TOX: variants seen among roughly 807,000 people sequenced by gnomAD.
TOX encodes the protein thymocyte selection-associated high mobility group box protein TOX.
In TOX, 11 loss-of-function variants were observed where a neutral mutation model predicts 53.7. The ratio of observed to expected loss-of-function variants is 0.20; its 90% CI spans 0.13 to 0.34. The LOEUF is 0.34. Among genes scored for constraint, TOX ranks in the 10% least tolerant of loss-of-function variants. The probability of loss-of-function intolerance (pLI) is 1.00; values close to 1 mark genes in which losing one functional copy is unlikely to be tolerated. For missense variants in TOX, 570 were observed against 664.6 expected, an observed-to-expected ratio of 0.86 and a Z score of 1.56; for synonymous variants, 225 against 245.3, an observed-to-expected ratio of 0.92 and a Z score of 0.77.
chr8:58,814,771 T>G (rs115800850), intron 7 of TOX, among the ~76,000 whole-genome samples: 7,990 of 152,208 alleles, frequency 0.052, 655 homozygotes, highest in African/African-American at 0.18. Flanking sequence ...ACAGCCTGTG[T>G]TTTTCAATTT....
At chr8:58,906,931 G>A (rs1348173663) in intron 3 of TOX, among the ~76,000 whole-genome samples, 1 of 152,200 alleles carries the variant, frequency 6.6e-6, no homozygotes, top group African/African-American at 2.4e-5. Context: ...TGGCAACACT[G>A]TTTCTGATTG....
intron 6 of TOX, among the ~76,000 whole-genome samples, chr8:58,815,978 G>A (rs1810169448): frequency 6.6e-6 from 1 of 152,158 alleles, no homozygotes; most frequent in Non-Finnish European, 1.5e-5. Context: ...TTAACTCGGT[G>A]ACTTTTCTCA....
chr8:59,072,343 T>C (rs1366370732), intron 1 of TOX, among the ~76,000 whole-genome samples: 1 of 152,218 alleles, frequency 6.6e-6, no homozygotes, highest in Non-Finnish European at 1.5e-5. Flanking sequence ...ATATATTGCC[T>C]GGTAGGTAGA....
At position 58,813,321 on chromosome 8, in the gene TOX, A is replaced by T. The variant is rs533780174; in HGVS notation, c.1392+2017T>A. 2.6e-5 allele frequency among the ~76,000 whole-genome samples: 4 copies of T among 152,338 alleles called. No homozygotes were observed. In the South Asian group the frequency reaches 8.3e-4, roughly 32 times the overall value. On this transcript the variant is annotated intron_variant, in intron 7 of 8. Coordinates refer to ENST00000361421, the MANE Select transcript of TOX (RefSeq NM_014729.3). ...TCTGATTGATAAATCAGAAAAAAAGATCTCTGCACACAGCTCCAGCCCGCA... is the reference window on the plus strand; with the variant it reads ...TCTGATTGATAAATCAGAAAAAAAGTTCTCTGCACACAGCTCCAGCCCGCA...
At chr8:59,061,874 C>CA (rs1337009942) in intron 1 of TOX, among the ~76,000 whole-genome samples, 1 of 152,092 alleles carries the variant, frequency 6.6e-6, no homozygotes, top group Non-Finnish European at 1.5e-5. Flanking sequence ...AACAGCAGAA[C>CA]AAGGGGAGTG....
intron 3 of TOX, among the ~76,000 whole-genome samples, chr8:58,891,182 T>TCTTTTAAGAAAG (rs1811554789): frequency 6.6e-6 from 1 of 152,096 alleles, no homozygotes; most frequent in Non-Finnish European, 1.5e-5. Context: ...CAGCGCTGAG[T>TCTTTTAAGAAAG]TGTCTTTTAA....
At chr8:58,876,467 GT>G (rs564145958) in intron 3 of TOX, among the ~76,000 whole-genome samples, 3 of 142,660 alleles carry the variant, frequency 2.1e-5, no homozygotes, top group Admixed American at 6.9e-5. Flanking sequence ...AAATGCTGGG[GT>G]GGGGGGAAAG....
intron 1 of TOX, among the ~76,000 whole-genome samples, chr8:59,067,629 A>G (rs1804117984): frequency 6.6e-6 from 1 of 152,012 alleles, no homozygotes; most frequent in Admixed American, 6.6e-5. Flanking sequence ...TTCTAAACAT[A>G]TTCTCTCCTT....
chr8:59,090,047 A>G (rs562801554), intron 1 of TOX, among the ~76,000 whole-genome samples: 6 of 152,356 alleles, frequency 3.9e-5, no homozygotes, highest in Non-Finnish European at 7.3e-5. Context: ...GGCAAGATAC[A>G]AAACCATTTG....
chr8:58,976,072 TAA>T (rs35306002), intron 1 of TOX, among the ~76,000 whole-genome samples: 13,173 of 148,696 alleles, frequency 0.089, 731 homozygotes, highest in Middle Eastern at 0.19. Context: ...CTCCGTCTAA[TAA>T]AAAAAAAAAA....
intron 5 of TOX, among the ~76,000 whole-genome samples, chr8:58,837,202 G>A (rs1392825486): frequency 2.6e-5 from 4 of 152,162 alleles, no homozygotes; most frequent in Non-Finnish European, 4.4e-5. Context: ...AATAAAATAT[G>A]AGACTAGTTC....
At chr8:58,810,183 T>C (rs1174512808) in intron 7 of TOX, among the ~76,000 whole-genome samples, 1 of 152,090 alleles carries the variant, frequency 6.6e-6, no homozygotes, top group South Asian at 2.1e-4. Flanking sequence ...TATTTATTTA[T>C]TGTAGAGATG....
intron 3 of TOX, among the ~76,000 whole-genome samples, chr8:58,936,721 G>A (rs949053932): frequency 6.6e-6 from 1 of 152,072 alleles, no homozygotes; most frequent in African/African-American, 2.4e-5. Context: ...AGATCCCCAA[G>A]CCTTGAGAAA....
chr8:59,010,544 T>A (rs1424022445), intron 1 of TOX, among the ~76,000 whole-genome samples: 1 of 152,194 alleles, frequency 6.6e-6, no homozygotes, highest in African/African-American at 2.4e-5. Context: ...TCCAGTGCAA[T>A]GGGTTTTGAC....
At chr8:59,042,331 GA>G (rs1236160408) in intron 1 of TOX, among the ~76,000 whole-genome samples, 1 of 152,178 alleles carries the variant, frequency 6.6e-6, no homozygotes, top group Admixed American at 6.5e-5. Context: ...ACTGAAGTCA[GA>G]ACGCCATTTC....
chr8:58,876,942 G>C (rs1279777067), intron 3 of TOX, among the ~76,000 whole-genome samples: 1 of 152,154 alleles, frequency 6.6e-6, no homozygotes, highest in African/African-American at 2.4e-5. Flanking sequence ...AGTCCCTTCA[G>C]TATATTATAT....
intron 3 of TOX, among the ~76,000 whole-genome samples, chr8:58,852,370 C>T (rs1197862758): frequency 6.6e-6 from 1 of 152,154 alleles, no homozygotes; most frequent in Non-Finnish European, 1.5e-5. Flanking sequence ...AGACTCAAAA[C>T]ACTGATAGGC....
intron 4 of TOX, among the ~76,000 whole-genome samples, chr8:58,841,218 T>C (rs1445880238): frequency 6.6e-6 from 1 of 152,202 alleles, no homozygotes; most frequent in Non-Finnish European, 1.5e-5. Flanking sequence ...CTTATTTAGC[T>C]CTGTATATTT....
chr8:58,970,105 T>A (rs1341900478), intron 1 of TOX, among the ~76,000 whole-genome samples: 2 of 152,248 alleles, frequency 1.3e-5, no homozygotes, highest in African/African-American at 4.8e-5. Context: ...TTGTGCCTAC[T>A]TATATGCCAG....
Sources: gnomAD v4.1 joint callset for allele counts (sites outside exome capture counted in the v4.1 genomes callset) on GRCh38, gnomAD v4.1.1 for gene constraint, MANE v1.5 for transcripts, NCBI Gene and HGNC (gene_info 2026-07-23, HGNC 2026-07-21) for gene names.